Variants in CAPRIN2 observed in about 807,000 individuals in gnomAD.
The protein encoded by CAPRIN2 is caprin family member 2.
Under a neutral mutation model 130.4 loss-of-function variants are expected in CAPRIN2, and 66 were observed. The ratio of observed to expected loss-of-function variants is 0.51; its 90% CI spans 0.42 to 0.62. CAPRIN2 has a LOEUF of 0.62. Ranked by LOEUF, CAPRIN2 falls within the 20% of genes least tolerant of loss-of-function variation. The pLI is 0.00. For synonymous variants in CAPRIN2, 471 were observed against 444.1 expected, an observed-to-expected ratio of 1.06 and a Z score of -0.76; for missense variants, 1,185 against 1,246.6, an observed-to-expected ratio of 0.95 and a Z score of 0.74.
intron 4 of CAPRIN2, 157 bp downstream of exon 5, chr12:30,734,811 C>G: frequency 1.6e-6 from 1 of 619,380 alleles, no homozygotes; most frequent in Non-Finnish European, 2.9e-6. Context: ...CATATTGAAT[C>G]AAATTAATAC....
chr12:30,715,343 A>G (rs1158635844), intron 13 of CAPRIN2: 13 of 642,336 alleles, frequency 2.0e-5, no homozygotes, highest in African/African-American at 2.0e-4. Flanking sequence ...CAGCCTAAAA[A>G]AGGAAGAAAA....
At chr12:30,724,076 C>G (rs997499360) in intron 10 of CAPRIN2, among the ~76,000 whole-genome samples, 1 of 152,220 alleles carries the variant, frequency 6.6e-6, no homozygotes, top group Non-Finnish European at 1.5e-5. Flanking sequence ...AGGAGTCAAG[C>G]AACTTCTAGT....
At chr12:30,714,341 C>T (rs1298575203) in intron 14 of CAPRIN2, among the ~76,000 whole-genome samples, 1 of 152,126 alleles carries the variant, frequency 6.6e-6, no homozygotes, top group Non-Finnish European at 1.5e-5. Context: ...ATCACCATGC[C>T]CAGCTAATAT....
exon 17 of CAPRIN2, chr12:30,709,986 T>C (rs1417071317): frequency 1.9e-6 from 3 of 1,614,024 alleles, no homozygotes; most frequent in East Asian, 2.2e-5. Flanking sequence ...GACGTAACCA[T>C]ATCTGGTCTC....
intron 12 of CAPRIN2, among the ~76,000 whole-genome samples, chr12:30,718,800 A>G (rs1228649987): frequency 6.6e-6 from 1 of 152,216 alleles, no homozygotes; most frequent in African/African-American, 2.4e-5. Flanking sequence ...TCACCCACAC[A>G]TTTTGTTTGT....
At chr12:30,717,713 A>G (rs1045328188) in intron 12 of CAPRIN2, among the ~76,000 whole-genome samples, 2 of 152,180 alleles carry the variant, frequency 1.3e-5, no homozygotes, top group Non-Finnish European at 2.9e-5. Context: ...AAGCTATACA[A>G]GGGTAAGGGG....
At chr12:30,713,207 T>C (rs911222403) in intron 15 of CAPRIN2, among the ~76,000 whole-genome samples, 1 of 152,232 alleles carries the variant, frequency 6.6e-6, no homozygotes. Context: ...TGATGTATTA[T>C]AGATTCAAAT....
intron 11 of CAPRIN2, among the ~76,000 whole-genome samples, chr12:30,721,658 A>T (rs2137083745): frequency 6.6e-6 from 1 of 152,324 alleles, no homozygotes; most frequent in South Asian, 2.1e-4. Context: ...AGTGTCAGTG[A>T]ATCCACTCCT....
At chr12:30,737,372 T>C (rs1004785911) in intron 3 of CAPRIN2, among the ~76,000 whole-genome samples, 1 of 152,016 alleles carries the variant, frequency 6.6e-6, no homozygotes, top group African/African-American at 2.4e-5. Context: ...CAGCACAGAG[T>C]CTGACAAATA....
chr12:30,725,902 C>G (rs562402651), intron 9 of CAPRIN2, 64 bp downstream of exon 10: 10 of 1,325,148 alleles, frequency 7.5e-6, no homozygotes, highest in Non-Finnish European at 1.0e-5. Flanking sequence ...TTAATAATTT[C>G]ACTGTAATGT....
At chr12:30,733,020 A>AT (rs1280791062) in intron 5 of CAPRIN2, among the ~76,000 whole-genome samples, 3 of 151,588 alleles carry the variant, frequency 2.0e-5, no homozygotes, top group South Asian at 4.2e-4. Flanking sequence ...AGATATTTGG[A>AT]TTTTTTTTTA....
chr12:30,754,295 G>C (rs539707960), exon 1 of CAPRIN2: 3 of 153,384 alleles, frequency 2.0e-5, no homozygotes, highest in African/African-American at 7.2e-5. Flanking sequence ...ATTCTAGCGA[G>C]CCCTTCCCGT....
intron 3 of CAPRIN2, among the ~76,000 whole-genome samples, chr12:30,740,514 C>T (rs944407111): frequency 1.2e-4 from 19 of 152,036 alleles, no homozygotes; most frequent in African/African-American, 4.4e-4. Flanking sequence ...TTTTGAACTG[C>T]CAACATAGAG....
chr12:30,729,155 A>G, exon 8 of CAPRIN2: 1 of 1,614,048 alleles, frequency 6.2e-7, no homozygotes, highest in Non-Finnish European at 8.5e-7. Context: ...GCTTACCAGA[A>G]GCCTCCCAGG....
intron 6 of CAPRIN2, 135 bp from the exon 8 acceptor site, chr12:30,730,417 G>A: frequency 1.6e-6 from 1 of 644,766 alleles, no homozygotes; most frequent in Non-Finnish European, 2.7e-6. Flanking sequence ...CAAGTATATT[G>A]ATGGCAAGAG....
chr12:30,753,221 A>T, intron 1 of CAPRIN2, 123 bp downstream of exon 2: 2 of 717,368 alleles, frequency 2.8e-6, no homozygotes, highest in East Asian at 5.0e-5. Context: ...TGCTTGTTTA[A>T]AGCAGCTAAA....
exon 1 of CAPRIN2, chr12:30,753,415 C>G (rs377270548): frequency 8.1e-6 from 13 of 1,613,858 alleles, no homozygotes; most frequent in Non-Finnish European, 1.1e-5. Context: ...GTCTCATACG[C>G]TTGGGAAGGA....
exon 1 of CAPRIN2, chr12:30,753,728 G>T (rs772611132): frequency 1.2e-6 from 2 of 1,612,804 alleles, no homozygotes; most frequent in Admixed American, 3.3e-5. Context: ...AAGTGAGCTC[G>T]AAACCCAATG....
chr12:30,754,612 G>T, upstream of CAPRIN2: 1 of 152,258 alleles, frequency 6.6e-6, no homozygotes, highest in South Asian at 2.0e-4. Flanking sequence ...CGCGGCCCTC[G>T]GGAGCCCCGC....
Sources: gnomAD v4.1 joint callset for allele counts (sites outside exome capture counted in the v4.1 genomes callset) on GRCh38, gnomAD v4.1.1 for gene constraint, MANE v1.5 for transcripts, NCBI Gene and HGNC (gene_info 2026-07-23, HGNC 2026-07-21) for gene names.